Variants in ZNF451 observed in about 807,000 individuals in gnomAD.
ZNF451 encodes the protein zinc finger protein 451.
In ZNF451, 80 loss-of-function variants were observed where a neutral mutation model predicts 107.1. The ratio of observed to expected loss-of-function variants is 0.75; its 90% CI spans 0.62 to 0.90. The LOEUF is 0.90. ZNF451 is among the 40% of genes least tolerant of loss of function. The pLI is 0.00. For missense variants in ZNF451, 1,107 were observed against 1,236.2 expected, an observed-to-expected ratio of 0.90 and a Z score of 1.57; for synonymous variants, 362 against 406.5, an observed-to-expected ratio of 0.89 and a Z score of 1.32.
Position 57,147,199 on chromosome 6 carries a change from G to A in ZNF451, c.1114G>A (p.Val372Met). The A allele has an allele frequency of 2.5e-6, 4 of 1,614,084 alleles. No homozygotes were observed. Among genetic ancestry groups the A allele is most frequent in the South Asian group, 1.1e-5 (1 of 91,078 alleles). ...TTGTCCAGATTGCAATCAAGTCTTT[G>A]TGGATGAAACCAGCACCCAAAATCA... ...GYCPDCNQVFVDETSTQNHKQ... is the reference protein window; with the variant it reads ...GYCPDCNQVFMDETSTQNHKQ... The change falls in exon 10 of 15, where the codon GTG becomes ATG. Residue 372 changes from valine (V) to methionine (M), a missense_variant. Val to Met is a conservative substitution (Grantham distance 21, BLOSUM62 1). This residue lies in a region of ZNF451 where 608 missense variants were observed against 649.2 expected (regional missense o/e 0.94). Transcript: ENST00000370706.
At chr6:57,100,658 C>T in intron 3 of ZNF451, 1 of 1,548,972 alleles carries the variant, frequency 6.5e-7, no homozygotes, top group Non-Finnish European at 8.7e-7. Context: ...GAAATGTGCT[C>T]TAGCTGCAAT....
chr6:57,138,540 G>A (rs569311611), intron 7 of ZNF451, among the ~76,000 whole-genome samples: 14 of 151,572 alleles, frequency 9.2e-5, no homozygotes, highest in Non-Finnish European at 1.8e-4. Flanking sequence ...GGGATTACAG[G>A]CATGAGCCAT....
chr6:57,138,481 C>G (rs1452037117), intron 7 of ZNF451, among the ~76,000 whole-genome samples: 2 of 151,492 alleles, frequency 1.3e-5, no homozygotes, highest in Non-Finnish European at 2.9e-5. Flanking sequence ...CCAGGCTGGT[C>G]TCGAGCTCCT....
chr6:57,119,137 C>T (rs1830511414), intron 3 of ZNF451, among the ~76,000 whole-genome samples: 1 of 152,184 alleles, frequency 6.6e-6, no homozygotes, highest in Non-Finnish European at 1.5e-5. Flanking sequence ...GGCCAGTGCA[C>T]CACTATCCCA....
chr6:57,156,814 G>A (rs1260632318), intron 13 of ZNF451, among the ~76,000 whole-genome samples: 2 of 152,162 alleles, frequency 1.3e-5, no homozygotes, highest in African/African-American at 2.4e-5. Context: ...ATGGATTGGG[G>A]GCAGGAGGTG....
intron 3 of ZNF451, chr6:57,101,535 C>A: frequency 6.4e-7 from 1 of 1,550,926 alleles, no homozygotes; most frequent in Non-Finnish European, 8.7e-7. Context: ...AAATGGAGGT[C>A]ATGGGTTGTA....
chr6:57,109,515 G>T (rs1420740973), intron 3 of ZNF451: 1 of 985,370 alleles, frequency 1.0e-6, no homozygotes, highest in Non-Finnish European at 1.2e-6. Flanking sequence ...TTTCCTTTTT[G>T]AAGTAATTGT....
chr6:57,099,742 G>C (rs1434040663), intron 3 of ZNF451: 3 of 449,188 alleles, frequency 6.7e-6, no homozygotes, highest in Non-Finnish European at 1.2e-5. Context: ...TGAGCCCTTT[G>C]TAACAGTCTT....
chr6:57,161,358 T>C (rs923523138), intron 14 of ZNF451, among the ~76,000 whole-genome samples: 1 of 152,186 alleles, frequency 6.6e-6, no homozygotes, highest in Non-Finnish European at 1.5e-5. Context: ...CAGCCAATTA[T>C]GGCCCTTGGG....
At chr6:57,155,618 C>T (rs1763384819) in intron 13 of ZNF451, among the ~76,000 whole-genome samples, 1 of 152,152 alleles carries the variant, frequency 6.6e-6, no homozygotes, top group Non-Finnish European at 1.5e-5. Flanking sequence ...TTCTCTTATG[C>T]TTCTGCTTTT....
chr6:57,136,942 C>T (rs1443872020), intron 7 of ZNF451, among the ~76,000 whole-genome samples: 3 of 152,146 alleles, frequency 2.0e-5, no homozygotes, highest in African/African-American at 7.2e-5. Context: ...AGGGCAAAGG[C>T]TTTGGTATCA....
chr6:57,100,912 A>G (rs1290504370), intron 3 of ZNF451: 2 of 1,550,646 alleles, frequency 1.3e-6, no homozygotes, highest in Admixed American at 3.9e-5. Context: ...GGTCAAAGAG[A>G]ATTTACGTAT....
rs150711198 is a variant in ZNF451 at position 57,100,689 on chromosome 6, T to A, written c.186+1548T>A. ...GCAATGTTCCTCTTCCCATTGGAGATAGCAGCTCCTTCTCTGGGAGTTGTT... is the reference window on the plus strand; with the variant it reads ...GCAATGTTCCTCTTCCCATTGGAGAAAGCAGCTCCTTCTCTGGGAGTTGTT... On this transcript the variant is annotated intron_variant, in intron 3 of 14. Transcript: ENST00000370706. 1.8e-5 allele frequency: 28 copies of A among 1,550,532 alleles called. No individual in the cohort carries two copies. The East Asian group carries it at 5.6e-4, about 31-fold the overall frequency.
rs192951411 is a variant in ZNF451, at chr6:57,117,292, A to T, written c.187-7442A>T. ...CCAAGGAATGTTTCCTTTGAGCTTC[A>T]TACGGGCACTCAAAAAGTTTTGGAT... On this transcript the variant is annotated intron_variant, in intron 3 of 14. Transcript: ENST00000370706. 1.9e-3 allele frequency among the ~76,000 whole-genome samples: 287 copies of T among 149,468 alleles called. 2 individuals carry two copies. Among genetic ancestry groups the T allele is most frequent in the African/African-American group, 6.9e-3 (280 of 40,640 alleles).
At chr6:57,093,943 C>T (rs924510203) in intron 2 of ZNF451, among the ~76,000 whole-genome samples, 3 of 152,220 alleles carry the variant, frequency 2.0e-5, no homozygotes, top group Non-Finnish European at 4.4e-5. Flanking sequence ...CACAAGTAAC[C>T]TGTGTCCCTG....
At chr6:57,137,689 G>A (rs1831502476) in intron 7 of ZNF451, among the ~76,000 whole-genome samples, 1 of 152,108 alleles carries the variant, frequency 6.6e-6, no homozygotes, top group African/African-American at 2.4e-5. Flanking sequence ...TGAGTCTGTT[G>A]AAGCTACCAC....
intron 3 of ZNF451, among the ~76,000 whole-genome samples, chr6:57,111,227 C>T (rs1415080123): frequency 6.6e-6 from 1 of 151,476 alleles, no homozygotes; most frequent in Non-Finnish European, 1.5e-5. Flanking sequence ...GGCCCCATTC[C>T]CACTTTTACT....
Position 57,168,677 on chromosome 6 carries a change from A to T in ZNF451, c.*208A>T. On this transcript the variant is annotated 3_prime_UTR_variant, in exon 15 of 15. Coordinates refer to ENST00000370706, the MANE Select transcript of ZNF451 (RefSeq NM_001031623.3). ...TACAGAAGAAATAGAATACATGTTC[A>T]TGCAAATATAAATTATGTATTCTAA... The T allele has an allele frequency of 2.0e-6, 1 of 503,424 alleles. No individual in the cohort carries two copies. 31.2% of individuals were successfully genotyped at this position (503,424 alleles called of 1,614,324 possible). A position where few individuals can be genotyped will look rare whatever the true frequency, so the allele number is the denominator to read the frequency against.
intron 3 of ZNF451, chr6:57,104,374 A>ATG: frequency 1.0e-6 from 1 of 985,412 alleles, no homozygotes; most frequent in Non-Finnish European, 1.2e-6. Flanking sequence ...GGCTGCACAT[A>ATG]AGTGTTTCTG....
Sources: gnomAD v4.1 joint callset for allele counts (sites outside exome capture counted in the v4.1 genomes callset) on GRCh38, gnomAD v4.1.1 for gene constraint, gnomAD v4.1.1 regional missense constraint, MANE v1.5 for transcripts, NCBI Gene and HGNC (gene_info 2026-07-23, HGNC 2026-07-21) for gene names.